USP32: variants seen among roughly 807,000 people sequenced by gnomAD.
USP32 encodes ubiquitin specific peptidase 32, also known as ubiquitin carboxyl-terminal hydrolase 32.
Under a neutral mutation model 204.8 loss-of-function variants are expected in USP32, and 59 were observed. The observed-to-expected ratio is 0.29, with a 90% CI of 0.23 to 0.36. USP32 has a LOEUF of 0.36. Among genes scored for constraint, USP32 ranks in the 10% least tolerant of loss-of-function variants. The pLI is 1.00. For missense variants in USP32, 1,160 were observed against 1,946.4 expected (o/e 0.60, Z 7.60); for synonymous variants, 517 against 678.4 (o/e 0.76, Z 3.70).
chr17:60,417,961 T>C (rs1427557751), intron 1 of USP32, among the ~76,000 whole-genome samples: 1 of 146,276 alleles, frequency 6.8e-6, no homozygotes, highest in Admixed American at 6.8e-5. Context: ...GGCTAATCTT[T>C]TTTTTTTTTT....
At chr17:60,243,446 C>G (rs890170229) in intron 11 of USP32, among the ~76,000 whole-genome samples, 1 of 152,126 alleles carries the variant, frequency 6.6e-6, no homozygotes, top group Non-Finnish European at 1.5e-5. Flanking sequence ...ATGGGAAAAG[C>G]CTTCAGTGTT....
chr17:60,265,027 G>A (rs1207878838), intron 9 of USP32, among the ~76,000 whole-genome samples: 1 of 151,970 alleles, frequency 6.6e-6, no homozygotes, highest in Non-Finnish European at 1.5e-5. Context: ...TTTTGCTTCT[G>A]TGTTCTTCGA....
At chr17:60,348,718 T>C (rs1468420423) in intron 1 of USP32, among the ~76,000 whole-genome samples, 1 of 151,486 alleles carries the variant, frequency 6.6e-6, no homozygotes, top group Non-Finnish European at 1.5e-5. Flanking sequence ...CAGTGGGCCA[T>C]GATCGTGCCA....
intron 27 of USP32, among the ~76,000 whole-genome samples, chr17:60,193,917 G>A (rs2084447895): frequency 6.6e-6 from 1 of 152,184 alleles, no homozygotes; most frequent in South Asian, 2.1e-4. Context: ...AAGATAACGG[G>A]ATAAAACAGT....
At chr17:60,206,856 T>A (rs534401716) in intron 25 of USP32, among the ~76,000 whole-genome samples, 165 bp downstream of exon 25, 1 of 152,232 alleles carries the variant, frequency 6.6e-6, no homozygotes, top group Non-Finnish European at 1.5e-5. Flanking sequence ...CTCTAAATTT[T>A]AGGTTTCTCG....
chr17:60,361,502 GATAC>G (rs1398636202), intron 1 of USP32, among the ~76,000 whole-genome samples: 1 of 152,006 alleles, frequency 6.6e-6, no homozygotes, highest in Non-Finnish European at 1.5e-5. Context: ...TGCCTCCTTA[GATAC>G]ATACAGAGAG....
intron 1 of USP32, among the ~76,000 whole-genome samples, chr17:60,381,168 G>A (rs1049329372): frequency 6.6e-6 from 1 of 152,184 alleles, no homozygotes; most frequent in African/African-American, 2.4e-5. Flanking sequence ...GCCAGGCACT[G>A]TAGCCCACAC....
intron 9 of USP32, among the ~76,000 whole-genome samples, chr17:60,263,902 C>T (rs575848697): frequency 1.3e-5 from 2 of 152,080 alleles, no homozygotes; most frequent in East Asian, 3.8e-4. Context: ...TTATTCTAAA[C>T]CTCTATTTAA....
intron 1 of USP32, among the ~76,000 whole-genome samples, chr17:60,390,894 G>C (rs2089822450): frequency 6.6e-6 from 1 of 152,132 alleles, no homozygotes; most frequent in African/African-American, 2.4e-5. Context: ...AGCATACACA[G>C]ATCTACACAC....
intron 11 of USP32, chr17:60,249,536 G>GT (rs1020148739): frequency 2.0e-6 from 1 of 512,702 alleles, no homozygotes; most frequent in African/African-American, 2.0e-5. Context: ...CACCATGATG[G>GT]TATGTATTTA....
intron 2 of USP32, 45 bp from the exon 3 acceptor site, chr17:60,301,749 T>C (rs1231407579): frequency 8.8e-6 from 12 of 1,363,452 alleles, no homozygotes; most frequent in African/African-American, 1.5e-5. Context: ...ATTTCAGTTG[T>C]TGAGGAATCT....
chr17:60,392,125 C>G lies in USP32; in HGVS notation c.-186G>C. On this transcript the variant is annotated 5_prime_UTR_variant, in exon 1 of 34. Transcript: ENST00000300896. ...CCGGTCGCCGCCACCGCCTCCATGCCGGATCACGTGACTCTTCCGCCCCGC... is the reference window on the plus strand; with the variant it reads ...CCGGTCGCCGCCACCGCCTCCATGCGGGATCACGTGACTCTTCCGCCCCGC... 2 of 589,060 alleles carry G rather than the reference C, an allele frequency of 3.4e-6. No homozygotes were observed. Among genetic ancestry groups the G allele is most frequent in the South Asian group, 2.1e-5 (1 of 47,948 alleles). 36.5% of individuals were successfully genotyped at this position (589,060 alleles called of 1,614,324 possible). A position where few individuals can be genotyped will look rare whatever the true frequency, so the allele number is the denominator to read the frequency against.
intron 31 of USP32, among the ~76,000 whole-genome samples, chr17:60,182,347 C>T (rs956454764): frequency 1.3e-5 from 2 of 152,196 alleles, no homozygotes; most frequent in Admixed American, 6.5e-5. Context: ...AAGTACAATA[C>T]ATTAGCACAG....
chr17:60,187,363 G>A (rs938431047), intron 29 of USP32, among the ~76,000 whole-genome samples: 2 of 152,118 alleles, frequency 1.3e-5, no homozygotes, highest in African/African-American at 4.8e-5. Context: ...GCTTGGACTT[G>A]GGTTATAGAC....
intron 2 of USP32, among the ~76,000 whole-genome samples, chr17:60,336,069 A>C (rs2088509446): frequency 7.0e-6 from 1 of 143,042 alleles, no homozygotes. Flanking sequence ...ATTATACATA[A>C]GGTATTTTCT....
intron 2 of USP32, among the ~76,000 whole-genome samples, chr17:60,304,362 A>AT (rs546798961): frequency 0.04 from 5,778 of 145,170 alleles, 120 homozygotes; most frequent in Non-Finnish European, 0.056. Flanking sequence ...TTATTTTTTT[A>AT]TTTTTTTTTT....
At chr17:60,411,102 G>T (rs1183417641) in intron 1 of USP32, among the ~76,000 whole-genome samples, 1 of 152,078 alleles carries the variant, frequency 6.6e-6, no homozygotes, top group Non-Finnish European at 1.5e-5. Context: ...GCCGAGGCAG[G>T]CGGATCACCT....
At chr17:60,286,771 C>A (rs1381311838) in intron 5 of USP32, among the ~76,000 whole-genome samples, 1 of 152,232 alleles carries the variant, frequency 6.6e-6, no homozygotes, top group East Asian at 1.9e-4. Flanking sequence ...CCCCCTCCCT[C>A]ACCAAGAACT....
intron 10 of USP32, among the ~76,000 whole-genome samples, chr17:60,254,602 G>A (rs146159562): frequency 9.6e-4 from 146 of 152,264 alleles, no homozygotes; most frequent in African/African-American, 3.4e-3. Flanking sequence ...GGGAGGCTGC[G>A]GAAGGAGAAT....
Sources: allele counts gnomAD v4.1 joint callset (sites outside exome capture counted in the v4.1 genomes callset), GRCh38; gene constraint gnomAD v4.1.1; transcripts MANE v1.5; gene names NCBI Gene and HGNC (gene_info 2026-07-23, HGNC 2026-07-21).